NKAIN2: variants seen among roughly 807,000 people sequenced by gnomAD.
NKAIN2 encodes sodium/potassium transporting ATPase interacting 2.
A neutral mutation model predicts 32.6 loss-of-function variants in NKAIN2; 14 were observed. That is an observed-to-expected ratio of 0.43 (90% CI 0.28 to 0.67). The LOEUF (loss-of-function observed/expected upper bound fraction) is 0.67, where lower values mean the gene tolerates loss of function less well. Ranked by LOEUF, NKAIN2 falls within the 30% of genes least tolerant of loss-of-function variation. The pLI is 0.17. For synonymous variants in NKAIN2, 80 were observed against 87.2 expected, an observed-to-expected ratio of 0.92 and a Z score of 0.46; for missense variants, 198 against 258.3, an observed-to-expected ratio of 0.77 and a Z score of 1.60.
At chr6:123,866,315 C>A (rs1772510109) in intron 1 of NKAIN2, among the ~76,000 whole-genome samples, 1 of 152,216 alleles carries the variant, frequency 6.6e-6, no homozygotes, top group African/African-American at 2.4e-5. Flanking sequence ...TAATTACATT[C>A]ATTGTTTTTA....
intron 3 of NKAIN2, among the ~76,000 whole-genome samples, chr6:124,536,611 C>T (rs1779723976): frequency 6.6e-6 from 1 of 152,096 alleles, no homozygotes; most frequent in African/African-American, 2.4e-5. Context: ...CATGAGCTAG[C>T]TAACCCAAAA....
intron 1 of NKAIN2, among the ~76,000 whole-genome samples, chr6:123,871,606 A>G (rs1348636340): frequency 6.6e-6 from 1 of 152,204 alleles, no homozygotes; most frequent in African/African-American, 2.4e-5. Flanking sequence ...AAAAGGGGGC[A>G]TAGGAGATAT....
chr6:124,393,013 A>G (rs961693763), intron 3 of NKAIN2, among the ~76,000 whole-genome samples: 1 of 152,106 alleles, frequency 6.6e-6, no homozygotes, highest in African/African-American at 2.4e-5. Context: ...TTTAAAACAA[A>G]TAAATACATA....
At chr6:124,335,903 G>T (rs1473939586) in intron 2 of NKAIN2, among the ~76,000 whole-genome samples, 2 of 151,914 alleles carry the variant, frequency 1.3e-5, no homozygotes, top group African/African-American at 4.8e-5. Flanking sequence ...TTATCTTTCT[G>T]TTTTTCATGC....
At chr6:124,312,185 A>G (rs1313374020) in intron 2 of NKAIN2, among the ~76,000 whole-genome samples, 16 of 152,146 alleles carry the variant, frequency 1.1e-4, no homozygotes, top group Admixed American at 1.0e-3. Context: ...AAAAAACACA[A>G]ACTTTACACC....
intron 3 of NKAIN2, among the ~76,000 whole-genome samples, chr6:124,612,095 C>A (rs1158942634): frequency 6.6e-6 from 1 of 151,664 alleles, no homozygotes; most frequent in Non-Finnish European, 1.5e-5. Flanking sequence ...AAATAAATAT[C>A]CAACCCCTCC....
At chr6:123,972,797 C>T (rs1778400653) in intron 1 of NKAIN2, among the ~76,000 whole-genome samples, 1 of 152,036 alleles carries the variant, frequency 6.6e-6, no homozygotes, top group African/African-American at 2.4e-5. Context: ...ATTCCCTTTC[C>T]TCCTCTGGAG....
At chr6:123,868,653 A>C (rs1349574921) in intron 1 of NKAIN2, among the ~76,000 whole-genome samples, 3 of 152,208 alleles carry the variant, frequency 2.0e-5, no homozygotes, top group Non-Finnish European at 4.4e-5. Flanking sequence ...ATTATTTACA[A>C]ATCTCTGCCT....
intron 1 of NKAIN2, among the ~76,000 whole-genome samples, chr6:124,158,810 G>A (rs1156392923): frequency 6.6e-6 from 1 of 152,162 alleles, no homozygotes; most frequent in Non-Finnish European, 1.5e-5. Context: ...ACATTATGTA[G>A]ATCTAGCCCA....
chr6:124,098,461 A>G (rs1383414199), intron 1 of NKAIN2, among the ~76,000 whole-genome samples: 1 of 152,226 alleles, frequency 6.6e-6, no homozygotes, highest in Non-Finnish European at 1.5e-5. Flanking sequence ...GTTAATATCA[A>G]CAATATACAT....
chr6:124,025,731 AT>A (rs1048375537), intron 1 of NKAIN2, among the ~76,000 whole-genome samples: 2 of 152,196 alleles, frequency 1.3e-5, no homozygotes, highest in Non-Finnish European at 2.9e-5. Flanking sequence ...GGATATGTTA[AT>A]TAGCTTGATG....
intron 5 of NKAIN2, among the ~76,000 whole-genome samples, chr6:124,797,546 A>G (rs1248236501): frequency 6.6e-6 from 1 of 152,208 alleles, no homozygotes; most frequent in East Asian, 1.9e-4. Flanking sequence ...ATTCCTCAAA[A>G]TCAACTGGCC....
intron 3 of NKAIN2, among the ~76,000 whole-genome samples, chr6:124,616,085 C>A (rs1198193422): frequency 2.6e-5 from 4 of 151,990 alleles, no homozygotes; most frequent in Admixed American, 6.6e-5. Flanking sequence ...TAGCTGTCTC[C>A]TTTTTCTTTT....
At chr6:124,808,460 G>A (rs955253103) in intron 5 of NKAIN2, among the ~76,000 whole-genome samples, 5 of 152,030 alleles carry the variant, frequency 3.3e-5, no homozygotes, top group South Asian at 2.1e-4. Flanking sequence ...CTCTCAATAA[G>A]TTAGGTATTG....
At chr6:124,332,941 G>A (rs917504344) in intron 2 of NKAIN2, among the ~76,000 whole-genome samples, 84 of 152,222 alleles carry the variant, frequency 5.5e-4, no homozygotes, top group African/African-American at 1.9e-3. Context: ...TATACAGGTA[G>A]GTTCACAATG....
intron 1 of NKAIN2, among the ~76,000 whole-genome samples, chr6:123,879,887 T>C (rs1259574927): frequency 1.3e-5 from 2 of 152,216 alleles, no homozygotes; most frequent in Non-Finnish European, 2.9e-5. Context: ...TTGTCTGACC[T>C]GTGTTCAGTT....
intron 3 of NKAIN2, among the ~76,000 whole-genome samples, chr6:124,593,226 T>TG (rs1781974225): frequency 2.0e-5 from 3 of 151,994 alleles, no homozygotes; most frequent in Non-Finnish European, 4.4e-5. Context: ...TGTGTGTGTG[T>TG]TTGTGTGCGT....
At chr6:124,009,203 C>G (rs1416857396) in intron 1 of NKAIN2, among the ~76,000 whole-genome samples, 4 of 152,086 alleles carry the variant, frequency 2.6e-5, no homozygotes, top group Admixed American at 6.6e-5. Flanking sequence ...AGGGCTGTCT[C>G]TCTCTCTGTT....
intron 3 of NKAIN2, among the ~76,000 whole-genome samples, chr6:124,369,545 T>C (rs1043415576): frequency 1.3e-5 from 2 of 152,106 alleles, no homozygotes; most frequent in Admixed American, 6.6e-5. Context: ...TGTGTGTGAT[T>C]TATGTTTTCA....
Sources: gnomAD v4.1 joint callset for allele counts (sites outside exome capture counted in the v4.1 genomes callset) on GRCh38, gnomAD v4.1.1 for gene constraint, MANE v1.5 for transcripts, NCBI Gene and HGNC (gene_info 2026-07-23, HGNC 2026-07-21) for gene names.